The following LRMDA variants were observed in gnomAD, a reference collection of about 807,000 sequenced individuals.
The protein encoded by LRMDA is leucine-rich melanocyte differentiation-associated protein.
A neutral mutation model predicts 29.8 loss-of-function variants in LRMDA; 18 were observed. The ratio of observed to expected loss-of-function variants is 0.60; its 90% confidence interval spans 0.42 to 0.90. The LOEUF (loss-of-function observed/expected upper bound fraction) is 0.90. Ranked by LOEUF, LRMDA falls within the 40% of genes least tolerant of loss-of-function variation. LRMDA has a pLI of 0.00. For synonymous variants in LRMDA, 125 were observed against 109.4 expected (o/e 1.14, Z -0.89); for missense variants, 273 against 273.9 (o/e 1.00, Z 0.02).
At chr10:75,652,059 A>C (rs1007697450) in intron 2 of LRMDA, among the ~76,000 whole-genome samples, 3 of 152,196 alleles carry the variant, frequency 2.0e-5, no homozygotes, top group African/African-American at 7.2e-5. Context: ...TTATGTTCTC[A>C]AAGCGAAATG....
chr10:76,097,096 C>T (rs909474545), intron 5 of LRMDA, among the ~76,000 whole-genome samples: 20 of 151,938 alleles, frequency 1.3e-4, no homozygotes, highest in African/African-American at 3.9e-4. Flanking sequence ...CTGCAACCTC[C>T]GCCTCCCAGG....
At chr10:75,504,451 A>G (rs1206730660) in intron 2 of LRMDA, among the ~76,000 whole-genome samples, 1 of 152,182 alleles carries the variant, frequency 6.6e-6, no homozygotes, top group Non-Finnish European at 1.5e-5. Flanking sequence ...AACTAAATGT[A>G]AAATCCACTT....
chr10:75,949,746 T>C (rs1338037644), intron 2 of LRMDA, among the ~76,000 whole-genome samples: 1 of 152,144 alleles, frequency 6.6e-6, no homozygotes, highest in Non-Finnish European at 1.5e-5. Context: ...TATTTACCCA[T>C]AGGGAAGCTT....
intron 2 of LRMDA, among the ~76,000 whole-genome samples, chr10:75,861,078 T>G (rs747834906): frequency 5.3e-5 from 8 of 152,242 alleles, no homozygotes; most frequent in Non-Finnish European, 1.2e-4. Flanking sequence ...TTCATTTTGG[T>G]CCAATGACGA....
chr10:75,711,561 T>A (rs769026469), intron 2 of LRMDA, among the ~76,000 whole-genome samples: 16 of 152,232 alleles, frequency 1.1e-4, no homozygotes, highest in Non-Finnish European at 1.9e-4. Context: ...GCTCATATTT[T>A]AAAAACATTT....
chr10:76,323,766 G>A (rs904745227), intron 5 of LRMDA, among the ~76,000 whole-genome samples: 1 of 152,194 alleles, frequency 6.6e-6, no homozygotes, highest in African/African-American at 2.4e-5. Context: ...CATCCTAGAT[G>A]TATGTTATGT....
intron 5 of LRMDA, among the ~76,000 whole-genome samples, chr10:76,269,033 C>T (rs182526880): frequency 6.6e-6 from 1 of 152,120 alleles, no homozygotes; most frequent in East Asian, 1.9e-4. Flanking sequence ...AACACTGGGC[C>T]ACCGAATATT....
intron 5 of LRMDA, among the ~76,000 whole-genome samples, chr10:76,067,223 A>G (rs1299425517): frequency 6.6e-6 from 1 of 152,168 alleles, no homozygotes; most frequent in Non-Finnish European, 1.5e-5. Flanking sequence ...TATAGTATTC[A>G]CTGTCTCGTT....
intron 5 of LRMDA, among the ~76,000 whole-genome samples, chr10:76,125,176 A>AT (rs907924363): frequency 2.0e-5 from 3 of 152,132 alleles, no homozygotes; most frequent in African/African-American, 7.2e-5. Context: ...TGCTTAATTG[A>AT]TTTTATTCCT....
At chr10:75,668,584 A>G (rs1300372342) in intron 2 of LRMDA, among the ~76,000 whole-genome samples, 1 of 152,202 alleles carries the variant, frequency 6.6e-6, no homozygotes, top group Non-Finnish European at 1.5e-5. Flanking sequence ...TTTCATGGAT[A>G]TATCACAAGC....
At chr10:76,425,398 C>T (rs2132525598) in intron 6 of LRMDA, among the ~76,000 whole-genome samples, 1 of 151,346 alleles carries the variant, frequency 6.6e-6, no homozygotes, top group Middle Eastern at 3.4e-3. Flanking sequence ...GACTCAAGTT[C>T]AAATCCCAAC....
At chr10:76,554,543 G>A (rs554085833) in intron 6 of LRMDA, among the ~76,000 whole-genome samples, 16 of 152,286 alleles carry the variant, frequency 1.1e-4, no homozygotes, top group East Asian at 1.9e-4. Context: ...ACACCTAGCC[G>A]CAGTCTCCTG....
At chr10:76,404,843 A>C (rs932586964) in intron 6 of LRMDA, among the ~76,000 whole-genome samples, 1 of 152,224 alleles carries the variant, frequency 6.6e-6, no homozygotes, top group Non-Finnish European at 1.5e-5. Context: ...TATGAAAACA[A>C]AAATCCTTAT....
chr10:75,460,160 C>G (rs2132037531), intron 2 of LRMDA, among the ~76,000 whole-genome samples: 1 of 152,274 alleles, frequency 6.6e-6, no homozygotes, highest in African/African-American at 2.4e-5. Context: ...TTATTTTCCC[C>G]TTAAAGTTCA....
chr10:75,988,863 TG>T (rs1847308662), intron 2 of LRMDA, among the ~76,000 whole-genome samples: 3 of 152,150 alleles, frequency 2.0e-5, no homozygotes, highest in African/African-American at 7.2e-5. Flanking sequence ...ACCTATTGGA[TG>T]TCTTTTTCCT....
At chr10:75,672,299 AG>A (rs1037682084) in intron 2 of LRMDA, among the ~76,000 whole-genome samples, 29 of 152,190 alleles carry the variant, frequency 1.9e-4, no homozygotes, top group African/African-American at 6.0e-4. Context: ...AAGGGGAAAA[AG>A]GGAAGCATGT....
At chr10:75,525,371 G>A (rs956027383) in intron 2 of LRMDA, among the ~76,000 whole-genome samples, 1 of 152,176 alleles carries the variant, frequency 6.6e-6, no homozygotes, top group Non-Finnish European at 1.5e-5. Context: ...GCCTTGCCAA[G>A]GGTAATGAAA....
intron 6 of LRMDA, among the ~76,000 whole-genome samples, chr10:76,542,209 A>T (rs1004255903): frequency 1.3e-5 from 2 of 152,204 alleles, no homozygotes; most frequent in African/African-American, 2.4e-5. Flanking sequence ...GATTATGTAT[A>T]ATAGATGACC....
At chr10:76,208,451 C>G (rs1171899412) in intron 5 of LRMDA, among the ~76,000 whole-genome samples, 2 of 152,154 alleles carry the variant, frequency 1.3e-5, no homozygotes, top group African/African-American at 4.8e-5. Flanking sequence ...TGGGACTAAT[C>G]ACAGGGCAGC....
Sources: gnomAD v4.1 joint callset for allele counts (sites outside exome capture counted in the v4.1 genomes callset) on GRCh38, gnomAD v4.1.1 for gene constraint, MANE v1.5 for transcripts, NCBI Gene and HGNC (gene_info 2026-07-23, HGNC 2026-07-21) for gene names.